The following CLIC4 variants were observed in gnomAD, a reference collection of about 807,000 sequenced individuals.
CLIC4 encodes the protein chloride intracellular channel protein 4.
Under a neutral mutation model 24.6 loss-of-function variants are expected in CLIC4, and 13 were observed. The observed-to-expected ratio is 0.53, with a 90% CI of 0.34 to 0.84. The LOEUF (loss-of-function observed/expected upper bound fraction) is 0.84. Among genes scored for constraint, CLIC4 ranks in the 40% least tolerant of loss-of-function variants. The pLI, the probability that CLIC4 is intolerant of heterozygous loss-of-function variation, is 0.01. For synonymous variants in CLIC4, 104 were observed against 111.3 expected (o/e 0.93, Z 0.41); for missense variants, 227 against 301.7 (o/e 0.75, Z 1.83).
At chr1:24,771,523 T>G (rs542780853) in intron 1 of CLIC4, among the ~76,000 whole-genome samples, 1 of 152,274 alleles carries the variant, frequency 6.6e-6, no homozygotes, top group East Asian at 1.9e-4. Flanking sequence ...TTCTTCATCT[T>G]TTATATCTAC....
intron 3 of CLIC4, among the ~76,000 whole-genome samples, chr1:24,814,743 C>G (rs1639651622): frequency 6.6e-6 from 1 of 152,168 alleles, no homozygotes; most frequent in African/African-American, 2.4e-5. Context: ...TCTCTAGGTC[C>G]TGGATGTACT....
rs1054944380 is a variant in CLIC4 at position 24,828,766 on chromosome 1, T to A, written c.415+1650T>A. Among the ~76,000 whole-genome samples, 12 of 152,314 alleles carry A rather than the reference T, an allele frequency of 7.9e-5. No individual in the cohort carries two copies. The East Asian group carries it at 1.9e-3, about 24-fold the overall frequency. On this transcript the variant is annotated intron_variant, in intron 4 of 5. Transcript: ENST00000374379. ...ATAACTTTGTATTCTATTTTTTCCC[T>A]ATCAATTTGTTATTATCTTAAGTAG...
intron 4 of CLIC4, among the ~76,000 whole-genome samples, chr1:24,830,803 C>T (rs1044842638): frequency 1.3e-5 from 2 of 152,132 alleles, no homozygotes; most frequent in Admixed American, 6.6e-5. Context: ...ATTACTACAT[C>T]GGGGTATTGG....
At chr1:24,783,410 A>G (rs1339267853) in intron 1 of CLIC4, among the ~76,000 whole-genome samples, 1 of 152,130 alleles carries the variant, frequency 6.6e-6, no homozygotes, top group Admixed American at 6.6e-5. Flanking sequence ...ATACAGTAAT[A>G]AAAATTTGTG....
At chr1:24,751,553 G>A (rs1349128051) in intron 1 of CLIC4, among the ~76,000 whole-genome samples, 1 of 152,164 alleles carries the variant, frequency 6.6e-6, no homozygotes, top group African/African-American at 2.4e-5. Flanking sequence ...ATATTTACTA[G>A]TGTTTCTTCT....
chr1:24,820,065 A>ATG (rs1211489774), intron 3 of CLIC4, among the ~76,000 whole-genome samples: 1,085 of 23,028 alleles, frequency 0.047, 133 homozygotes, highest in African/African-American at 0.063. Context: ...AAAAAAAAGT[A>ATG]TGTATATATA....
intron 1 of CLIC4, among the ~76,000 whole-genome samples, chr1:24,778,241 G>A (rs1175790994): frequency 6.6e-6 from 1 of 152,130 alleles, no homozygotes; most frequent in Non-Finnish European, 1.5e-5. Flanking sequence ...CTCCTCAGTT[G>A]TATGACCTAT....
chr1:24,831,411 T>A (rs755610915), intron 4 of CLIC4, among the ~76,000 whole-genome samples: 10 of 152,136 alleles, frequency 6.6e-5, no homozygotes, highest in Non-Finnish European at 1.3e-4. Flanking sequence ...TATTTGATTT[T>A]TATATATATA....
chr1:24,747,095 ATTTTTTTTTTTTT>A lies in CLIC4; in HGVS notation c.72+1480_72+1492del, dbSNP rs749648001. Among the ~76,000 whole-genome samples the A allele has an allele frequency of 1.2e-3, 139 of 120,252 alleles. 4 individuals are homozygous for A. In the South Asian group the frequency reaches 0.033, roughly 29 times the overall value. The allele number at this position is 120,252 out of a possible 152,430, so 78.9% of individuals were successfully genotyped here. ...ATTTTCTTTCAATTGTCAATTTTCG[ATTTTTTTTTTTTT>A]TTTTTTTTTGGTCCAGGGAACTGAA... On this transcript the variant is annotated intron_variant, in intron 1 of 5. Coordinates refer to ENST00000374379, the MANE Select transcript of CLIC4 (RefSeq NM_013943.3).
At chr1:24,799,407 C>G (rs4641258) in intron 2 of CLIC4, among the ~76,000 whole-genome samples, 92,499 of 149,642 alleles carry the variant, frequency 0.62, 29,745 homozygotes, top group Non-Finnish European at 0.71. Context: ...AGACCCTCTG[C>G]CTGGCAACCA....
At chr1:24,790,955 G>A (rs1639327137) in intron 1 of CLIC4, among the ~76,000 whole-genome samples, 2 of 152,146 alleles carry the variant, frequency 1.3e-5, no homozygotes, top group African/African-American at 4.8e-5. Context: ...GATAACTTGA[G>A]GCCAGGAGTT....
In CLIC4 at chr1:24,769,475, A is replaced by G. The variant is rs368733671; in HGVS notation, c.72+23850A>G. ...GAGATCATTGTTTGGGTATGGTTGC[A>G]GGGCCAGTAAGTAGCAGTACTGTGA... On this transcript the variant is annotated intron_variant, in intron 1 of 5. Coordinates refer to ENST00000374379, the MANE Select transcript of CLIC4 (RefSeq NM_013943.3). Among the ~76,000 whole-genome samples, 3 of 152,234 alleles carry G rather than the reference A, an allele frequency of 2.0e-5. No individual in the cohort carries two copies. The East Asian group carries it at 5.8e-4, about 29-fold the overall frequency.
chr1:24,758,521 G>C (rs924440820), intron 1 of CLIC4, among the ~76,000 whole-genome samples: 1 of 151,454 alleles, frequency 6.6e-6, no homozygotes, highest in East Asian at 1.9e-4. Flanking sequence ...GCACTGGTGC[G>C]ATCTCGGCTC....
At chr1:24,788,326 A>G (rs1202119840) in intron 1 of CLIC4, among the ~76,000 whole-genome samples, 10 of 152,132 alleles carry the variant, frequency 6.6e-5, no homozygotes, top group African/African-American at 2.4e-4. Context: ...CATCACCTCA[A>G]AAAGAAACCA....
intron 2 of CLIC4, among the ~76,000 whole-genome samples, chr1:24,810,798 A>C (rs1639605055): frequency 6.6e-6 from 1 of 151,810 alleles, no homozygotes; most frequent in Non-Finnish European, 1.5e-5. Context: ...AAAAATGTTT[A>C]TTTATGGCCG....
intron 3 of CLIC4, 66 bp from the exon 4 acceptor site, chr1:24,826,944 G>C: frequency 9.2e-7 from 1 of 1,088,974 alleles, no homozygotes; most frequent in South Asian, 1.4e-5. Context: ...TAGCATGGTG[G>C]TTTGAGAGAA....
At chr1:24,831,679 C>T (rs1019458747) in intron 4 of CLIC4, among the ~76,000 whole-genome samples, 1 of 152,208 alleles carries the variant, frequency 6.6e-6, no homozygotes, top group African/African-American at 2.4e-5. Context: ...TGCTCTGTCA[C>T]CCAGGCTGGA....
chr1:24,800,329 G>A (rs1447861120), intron 2 of CLIC4, among the ~76,000 whole-genome samples: 10 of 109,326 alleles, frequency 9.1e-5, no homozygotes, highest in African/African-American at 1.8e-4. Flanking sequence ...CAGCCGCCCC[G>A]TCCGGGAGGG....
chr1:24,817,595 T>TC (rs762402705), intron 3 of CLIC4, among the ~76,000 whole-genome samples: 26 of 152,248 alleles, frequency 1.7e-4, no homozygotes, highest in Non-Finnish European at 3.5e-4. Context: ...AAGCTGTTTT[T>TC]CTCTATCATT....
Sources: gnomAD v4.1 joint callset for allele counts (sites outside exome capture counted in the v4.1 genomes callset) on GRCh38, gnomAD v4.1.1 for gene constraint, MANE v1.5 for transcripts, NCBI Gene and HGNC (gene_info 2026-07-23, HGNC 2026-07-21) for gene names.